Variants in DRGX observed in about 807,000 individuals in gnomAD.
DRGX encodes dorsal root ganglia homeobox protein.
A neutral mutation model predicts 28.6 loss-of-function variants in DRGX; 21 were observed. The observed-to-expected ratio is 0.73, with a 90% CI of 0.52 to 1.06. The LOEUF is 1.06. Among genes scored for constraint, DRGX ranks in the 50% least tolerant of loss-of-function variants. DRGX has a pLI of 0.00. For missense variants in DRGX, 354 were observed against 343.9 expected, an observed-to-expected ratio of 1.03 and a Z score of -0.23; for synonymous variants, 136 against 139.1, an observed-to-expected ratio of 0.98 and a Z score of 0.16.
chr10:49,381,154 G>T (rs759204157), intron 6 of DRGX, among the ~76,000 whole-genome samples: 1 of 152,208 alleles, frequency 6.6e-6, no homozygotes, highest in Non-Finnish European at 1.5e-5. Context: ...GAAAATCCCC[G>T]CAAGAGCCTG....
Position 49,391,233 on chromosome 10 carries a change from C to A in DRGX, c.63G>T (p.Ser21=). Residue 21 remains serine (S), a synonymous_variant, in exon 3 of 7, where the codon TCG becomes TCT. Coordinates refer to ENST00000374139, the MANE Select transcript of DRGX (RefSeq NM_001276451.2). ...EGTATFGNHS[S]GDFDDGFLRR... ...GCAGAAACCCGTCATCAAAATCCCC[C>A]GAAGAGTGATTGCCAAAGGTTGCAG... The A allele has an allele frequency of 6.2e-7, 1 of 1,611,534 alleles. No individual in the cohort carries two copies. Among genetic ancestry groups the A allele is most frequent in the East Asian group, 2.2e-5 (1 of 44,796 alleles).
intron 6 of DRGX, among the ~76,000 whole-genome samples, chr10:49,380,427 G>T (rs1357648785): frequency 1.3e-5 from 2 of 152,202 alleles, no homozygotes; most frequent in African/African-American, 4.8e-5. Context: ...TTAATGAATT[G>T]TGAATGAAAT....
intron 2 of DRGX, among the ~76,000 whole-genome samples, chr10:49,393,323 C>T (rs1157978418): frequency 6.6e-6 from 1 of 152,104 alleles, no homozygotes; most frequent in Non-Finnish European, 1.5e-5. Flanking sequence ...TAAGGCAAAA[C>T]ACATATTTTA....
At chr10:49,376,388 G>A (rs1416457038) in intron 6 of DRGX, among the ~76,000 whole-genome samples, 1 of 152,138 alleles carries the variant, frequency 6.6e-6, no homozygotes, top group African/African-American at 2.4e-5. Flanking sequence ...TCAGTAACAA[G>A]CCAGGAGCCC....
chr10:49,375,323 T>G (rs2132473771), intron 6 of DRGX, among the ~76,000 whole-genome samples: 1 of 152,344 alleles, frequency 6.6e-6, no homozygotes, highest in African/African-American at 2.4e-5. Flanking sequence ...TGTCCCATTT[T>G]GGTACAAAGT....
Position 49,365,889 on chromosome 10 carries a change from C to T in DRGX, c.*227G>A, listed in dbSNP as rs572718536. On this transcript the variant is annotated 3_prime_UTR_variant, in exon 7 of 7. Coordinates refer to ENST00000374139, the MANE Select transcript of DRGX (RefSeq NM_001276451.2). ...GGGCTCTGCTGCCACCAAGTGCCAT[C>T]GGGATCTGTTGCCAAAGAAGCCAGG... 2.2e-5 allele frequency: 9 copies of T among 412,718 alleles called. No homozygotes were observed. In the Admixed American group the frequency reaches 2.6e-4, roughly 12 times the overall value. 25.6% of individuals were successfully genotyped at this position (412,718 alleles called of 1,614,324 possible).
At chr10:49,387,020 G>A (rs78487818) in intron 4 of DRGX, among the ~76,000 whole-genome samples, 162 bp from the exon 5 acceptor site, 26 of 152,328 alleles carry the variant, frequency 1.7e-4, no homozygotes, top group South Asian at 2.1e-4. Flanking sequence ...CAGAAGATCC[G>A]CTTAAAAGGT....
chr10:49,376,606 C>A (rs1188587717), intron 6 of DRGX, among the ~76,000 whole-genome samples: 1 of 152,156 alleles, frequency 6.6e-6, no homozygotes, highest in East Asian at 1.9e-4. Flanking sequence ...ACAACAATTA[C>A]GAGAACTTAG....
chr10:49,387,901 A>G (rs534369714), intron 4 of DRGX, among the ~76,000 whole-genome samples: 36 of 152,320 alleles, frequency 2.4e-4, no homozygotes, highest in African/African-American at 6.7e-4. Context: ...TTGAAGCCCA[A>G]TGGCTTGGCT....
intron 2 of DRGX, 73 bp from the exon 3 acceptor site, chr10:49,391,334 G>A (rs1336492755): frequency 2.4e-6 from 3 of 1,274,388 alleles, no homozygotes; most frequent in Admixed American, 1.9e-5. Context: ...ACACAGTTCA[G>A]AGGGCACCCA....
chr10:49,366,050 T>C lies in DRGX; in HGVS notation c.*66A>G. On this transcript the variant is annotated 3_prime_UTR_variant, in exon 7 of 7. Transcript: ENST00000374139. ...TCTCCTTGCTATTTGGAGAGTTTTC[T>C]GTAGGGGCTGAGGCTGGGAGAAGGA... The C allele has an allele frequency of 6.8e-7, 1 of 1,473,568 alleles. No homozygotes were observed. The highest frequency in any genetic ancestry group is 9.0e-7 in the Non-Finnish European group (1 of 1,117,234). The allele number at this position is 1,473,568 out of a possible 1,614,324, so 91.3% of individuals were successfully genotyped here. A position where few individuals can be genotyped will look rare whatever the true frequency, so the allele number is the denominator to read the frequency against.
chr10:49,372,753 G>A (rs1025059245), intron 6 of DRGX, among the ~76,000 whole-genome samples: 3 of 152,190 alleles, frequency 2.0e-5, no homozygotes, highest in African/African-American at 7.2e-5. Context: ...TGCAGTGACT[G>A]CTCTCACCAG....
chr10:49,375,687 A>G (rs1464843438), intron 6 of DRGX, among the ~76,000 whole-genome samples: 2 of 152,140 alleles, frequency 1.3e-5, no homozygotes, highest in Non-Finnish European at 2.9e-5. Context: ...TTGTGCTGTG[A>G]CACAGTCTCA....
At chr10:49,375,471 C>T (rs1369211731) in intron 6 of DRGX, among the ~76,000 whole-genome samples, 1 of 152,218 alleles carries the variant, frequency 6.6e-6, no homozygotes, top group African/African-American at 2.4e-5. Context: ...GAAAGAAAAA[C>T]TGTATTCTTA....
chr10:49,376,361 C>T (rs573445628), intron 6 of DRGX, among the ~76,000 whole-genome samples: 104 of 152,290 alleles, frequency 6.8e-4, no homozygotes, highest in African/African-American at 2.4e-3. Flanking sequence ...TCCTCTGCTC[C>T]CCAAATACCT....
intron 2 of DRGX, chr10:49,391,735 G>T: frequency 2.1e-6 from 1 of 470,864 alleles, no homozygotes; most frequent in Admixed American, 2.4e-5. Context: ...GTTAGGAGAG[G>T]CTGGGGGAGG....
At chr10:49,384,414 C>G (rs1256227539) in intron 6 of DRGX, among the ~76,000 whole-genome samples, 1 of 152,154 alleles carries the variant, frequency 6.6e-6, no homozygotes, top group African/African-American at 2.4e-5. Context: ...AAAGACACAT[C>G]CAAGTTTGAT....
At chr10:49,374,377 C>A (rs1436537260) in intron 6 of DRGX, among the ~76,000 whole-genome samples, 21 of 152,198 alleles carry the variant, frequency 1.4e-4, no homozygotes, top group Non-Finnish European at 1.5e-5. Flanking sequence ...TCTCCCCTCC[C>A]ATTTGTGTGG....
intron 6 of DRGX, among the ~76,000 whole-genome samples, chr10:49,384,899 G>A (rs1289010048): frequency 6.6e-6 from 1 of 152,218 alleles, no homozygotes; most frequent in Non-Finnish European, 1.5e-5. Flanking sequence ...CATGAGGCCA[G>A]AGTAGGGCGA....
Sources: allele counts gnomAD v4.1 joint callset (sites outside exome capture counted in the v4.1 genomes callset), GRCh38; gene constraint gnomAD v4.1.1; transcripts MANE v1.5; gene names NCBI Gene and HGNC (gene_info 2026-07-23, HGNC 2026-07-21).